TSPAN8: variants seen among roughly 807,000 people sequenced by gnomAD.
TSPAN8 encodes tetraspanin-8.
Under a neutral mutation model 32.8 loss-of-function variants are expected in TSPAN8, and 21 were observed. The observed-to-expected ratio is 0.64, with a 90% CI of 0.45 to 0.92. The LOEUF is 0.92. Among genes scored for constraint, TSPAN8 ranks in the 40% least tolerant of loss-of-function variants. The pLI is 0.00. For missense variants in TSPAN8, 269 were observed against 281.9 expected (o/e 0.95, Z 0.33); for synonymous variants, 95 against 94.6 (o/e 1.00, Z -0.03).
At chr12:71,126,147 G>A (rs1346972682) in intron 8 of TSPAN8, among the ~76,000 whole-genome samples, 2 of 152,124 alleles carry the variant, frequency 1.3e-5, no homozygotes, top group Non-Finnish European at 2.9e-5. Context: ...TTTGAAGGGA[G>A]GATGGAGGAA....
chr12:71,135,016 A>G (rs907500774), intron 6 of TSPAN8, among the ~76,000 whole-genome samples: 1 of 152,190 alleles, frequency 6.6e-6, no homozygotes, highest in African/African-American at 2.4e-5. Context: ...TTCCATCAGT[A>G]TGTTAACAGG....
chr12:71,157,494 G>C, intron 2 of TSPAN8, 125 bp downstream of exon 2: 1 of 665,388 alleles, frequency 1.5e-6, no homozygotes, highest in Non-Finnish European at 2.6e-6. Context: ...ATCCAAACAA[G>C]TACATGGAAA....
chr12:71,134,678 T>C (rs1281838253), intron 6 of TSPAN8, among the ~76,000 whole-genome samples: 3 of 152,228 alleles, frequency 2.0e-5, no homozygotes, highest in African/African-American at 7.2e-5. Context: ...TAGTATTCAC[T>C]GATACAGATA....
intron 2 of TSPAN8, among the ~76,000 whole-genome samples, chr12:71,152,320 T>C (rs1040016536): frequency 6.6e-6 from 1 of 152,240 alleles, no homozygotes; most frequent in Non-Finnish European, 1.5e-5. Flanking sequence ...CCTTATCATA[T>C]TCTTGCTATC....
At chr12:71,145,605 A>C (rs1002075823) in intron 2 of TSPAN8, among the ~76,000 whole-genome samples, 24 of 152,142 alleles carry the variant, frequency 1.6e-4, no homozygotes, top group Non-Finnish European at 4.4e-5. Flanking sequence ...CCTTTCACAA[A>C]ATTCTAATTT....
At chr12:71,153,138 G>A (rs979425957) in intron 2 of TSPAN8, among the ~76,000 whole-genome samples, 4 of 152,028 alleles carry the variant, frequency 2.6e-5, no homozygotes, top group African/African-American at 9.7e-5. Flanking sequence ...ACGAGCCAAA[G>A]GCCCCATGTT....
chr12:71,137,543 C>T (rs113727913), intron 6 of TSPAN8, among the ~76,000 whole-genome samples: 23 of 151,606 alleles, frequency 1.5e-4, no homozygotes, highest in African/African-American at 5.1e-4. Context: ...GAGGTTGCAG[C>T]GAGCCAAGAT....
chr12:71,134,627 C>T (rs750142869), intron 6 of TSPAN8, among the ~76,000 whole-genome samples: 21 of 152,298 alleles, frequency 1.4e-4, no homozygotes, highest in Admixed American at 4.6e-4. Flanking sequence ...CCATGGTAGA[C>T]ATGATTAATT....
rs140569187 is a variant in TSPAN8, at chr12:71,146,816, T to C, written c.61-2603A>G. Among the ~76,000 whole-genome samples the C allele has an allele frequency of 3.1e-3, 472 of 152,338 alleles. 2 individuals are homozygous for C. The highest frequency in any genetic ancestry group is 0.01 in the African/African-American group (431 of 41,580). ...TGATATTTGCTTATAATGGACTGAA[T>C]TGTGTCTCCACAAAATTCATATGTT... On this transcript the variant is annotated intron_variant, in intron 2 of 8. Coordinates refer to ENST00000247829, the MANE Select transcript of TSPAN8 (RefSeq NM_004616.3).
At chr12:71,139,111 G>T (rs76613544) in intron 4 of TSPAN8, 3 of 454,890 alleles carry the variant, frequency 6.6e-6, no homozygotes, top group Non-Finnish European at 1.3e-5. Context: ...TTTTTTTTTA[G>T]CATGGCATGT....
intron 6 of TSPAN8, among the ~76,000 whole-genome samples, chr12:71,137,732 ATCT>A (rs1871750014): frequency 1.3e-5 from 2 of 152,222 alleles, no homozygotes; most frequent in Admixed American, 1.3e-4. Flanking sequence ...TCATAAATGT[ATCT>A]TCTTAATTTC....
chr12:71,146,719 T>C (rs146793768), intron 2 of TSPAN8, among the ~76,000 whole-genome samples: 74 of 152,290 alleles, frequency 4.9e-4, no homozygotes, highest in Non-Finnish European at 6.6e-4. Context: ...TCAGCTTTCA[T>C]GGAACAGCCA....
chr12:71,142,923 C>T (rs1006280253), intron 3 of TSPAN8, among the ~76,000 whole-genome samples: 7 of 151,556 alleles, frequency 4.6e-5, no homozygotes, highest in African/African-American at 1.7e-4. Flanking sequence ...GAAAACAGAG[C>T]AGACATTAAT....
intron 8 of TSPAN8, among the ~76,000 whole-genome samples, chr12:71,127,111 G>T (rs1353971498): frequency 1.3e-5 from 2 of 151,996 alleles, no homozygotes; most frequent in African/African-American, 4.8e-5. Context: ...CATATTTTCT[G>T]CAGGAAGACA....
At chr12:71,131,920 T>C (rs1023897856) in intron 7 of TSPAN8, among the ~76,000 whole-genome samples, 2 of 152,016 alleles carry the variant, frequency 1.3e-5, no homozygotes, top group Non-Finnish European at 2.9e-5. Flanking sequence ...CTCTCTTCCT[T>C]ACTTGAGCAT....
At chr12:71,146,458 A>G (rs912517150) in intron 2 of TSPAN8, among the ~76,000 whole-genome samples, 1 of 152,208 alleles carries the variant, frequency 6.6e-6, no homozygotes, top group African/African-American at 2.4e-5. Context: ...CATTGTTAAA[A>G]GATTGACCAT....
chr12:71,129,435 T>G, intron 7 of TSPAN8, 21 bp from the exon 8 acceptor site: 14 of 1,537,106 alleles, frequency 9.1e-6, no homozygotes, highest in Non-Finnish European at 1.2e-5. Flanking sequence ...AAAAAAACAT[T>G]AAAAGTTACC....
At chr12:71,137,217 T>C (rs926017874) in intron 6 of TSPAN8, among the ~76,000 whole-genome samples, 5 of 152,114 alleles carry the variant, frequency 3.3e-5, no homozygotes, top group Non-Finnish European at 4.4e-5. Context: ...GTGGTCAAAA[T>C]TGCAGTGAGC....
At chr12:71,127,523 G>A (rs1051839938) in intron 8 of TSPAN8, among the ~76,000 whole-genome samples, 1 of 151,956 alleles carries the variant, frequency 6.6e-6, no homozygotes, top group African/African-American at 2.4e-5. Flanking sequence ...ATTCAAAAAC[G>A]GTTCTGTTTT....
Sources: allele counts gnomAD v4.1 joint callset (sites outside exome capture counted in the v4.1 genomes callset), GRCh38; gene constraint gnomAD v4.1.1; transcripts MANE v1.5; gene names NCBI Gene and HGNC (gene_info 2026-07-23, HGNC 2026-07-21).